PER1: variants seen among roughly 807,000 people sequenced by gnomAD.
PER1 encodes the protein period circadian protein homolog 1.
PER1 carries 87 observed loss-of-function variants against 125.9 expected under a neutral mutation model. That is an observed-to-expected ratio of 0.69 (90% CI 0.58 to 0.83). The LOEUF is 0.83. Ranked by LOEUF, PER1 falls within the 40% of genes least tolerant of loss-of-function variation. PER1 has a pLI of 0.00. For missense variants in PER1, 1,775 were observed against 1,722.8 expected, an observed-to-expected ratio of 1.03 and a Z score of -0.54; for synonymous variants, 801 against 714.7, an observed-to-expected ratio of 1.12 and a Z score of -1.93.
At chr17:8,145,413 C>T (rs1202081031) in intron 17 of PER1, among the ~76,000 whole-genome samples, 5 of 150,988 alleles carry the variant, frequency 3.3e-5, no homozygotes, top group Admixed American at 2.0e-4. Flanking sequence ...AACCACCACC[C>T]CCTGGGTTCA....
chr17:8,150,351 G>C (rs747870488), intron 2 of PER1, 34 bp from the exon 3 acceptor site: 1 of 1,550,122 alleles, frequency 6.5e-7, no homozygotes, highest in East Asian at 2.3e-5. Flanking sequence ...TTACAGGTAG[G>C]GCCAGCAGTG....
intron 8 of PER1, 80 bp from the exon 9 acceptor site, chr17:8,148,339 C>T: frequency 8.1e-7 from 1 of 1,229,486 alleles, no homozygotes; most frequent in Non-Finnish European, 1.2e-6. Flanking sequence ...TGGGCCCAGG[C>T]TGGCTGATGA....
intron 14 of PER1, 64 bp from the exon 15 acceptor site, chr17:8,146,829 G>C (rs1468234861): frequency 1.2e-6 from 2 of 1,605,114 alleles, no homozygotes; most frequent in African/African-American, 2.7e-5. Context: ...AACAGCAAAT[G>C]GGTTGGGGGT....
chr17:8,141,134 C>T lies in PER1; in HGVS notation c.3807G>A (p.Glu1269=). ...ATGAGCTCCTGCCTTCTTCCTCCTC[C>T]TCCATAGCCAAGTCCTGAGAGCTTG... ...KASSSQDLAM[E]EEEEGRSSSS... Residue 1269 remains glutamate (E), a synonymous_variant, in exon 23 of 23, where the codon GAG becomes GAA. Coordinates refer to ENST00000317276, the MANE Select transcript of PER1 (RefSeq NM_002616.3). 1.9e-6 allele frequency: 3 copies of T among 1,614,218 alleles called. No homozygotes were observed. The highest frequency in any genetic ancestry group is 1.7e-6 in the Non-Finnish European group (2 of 1,180,030).
Position 8,146,101 on chromosome 17 carries a change from G to A in PER1, c.2075C>T (p.Thr692Ile). ...PSAALSGEGA[T>I]PRKEPVVGGT... Reference sequence around the variant, plus strand: ...TCCCACCACTGGCTCCTTCCGTGGGGTGGCCCCCTCCCCAGACAGCGCTGC... The same window carrying A: ...TCCCACCACTGGCTCCTTCCGTGGGATGGCCCCCTCCCCAGACAGCGCTGC... The change falls in exon 17 of 23, where the codon ACC becomes ATC. Residue 692 changes from threonine to isoleucine, a missense_variant. Transcript: ENST00000317276. 6.2e-7 allele frequency: 1 copy of A among 1,611,854 alleles called. No homozygotes were observed. The highest frequency in any genetic ancestry group is 8.5e-7 in the Non-Finnish European group (1 of 1,178,942).
rs561858829 is a variant in PER1 at position 8,140,939 on chromosome 17, G to C, written c.*129C>G. 1 of 1,090,904 alleles carries C rather than the reference G, an allele frequency of 9.2e-7. No individual in the cohort carries two copies. The highest frequency in any genetic ancestry group is 1.5e-5 in the South Asian group (1 of 65,138). 67.6% of individuals were successfully genotyped at this position (1,090,904 alleles called of 1,614,324 possible). ...GATCCTAGGCTGGTGATGGGGGTCC[G>C]GCCCCCTATGGTGGGAGAAGCTGGG... is the stretch of plus-strand genomic sequence containing the variant. On this transcript the variant is annotated 3_prime_UTR_variant, in exon 23 of 23. Transcript: ENST00000317276.
chr17:8,144,026 T>G, intron 18 of PER1, 150 bp from the exon 19 acceptor site: 1 of 1,211,414 alleles, frequency 8.3e-7, no homozygotes, highest in Admixed American at 3.2e-5. Context: ...ACTCAGGAGG[T>G]GGGGCACCTT....
rs2151860457 is a variant in PER1 at position 8,146,073 on chromosome 17, G to A, written c.2103C>T (p.Gly701=). 1 of 1,613,800 alleles carries A rather than the reference G, an allele frequency of 6.2e-7. No homozygotes were observed. The highest frequency in any genetic ancestry group is 1.1e-5 in the South Asian group (1 of 91,074). ...TGGCCAGGGCGAGCGGGCTCAGGGT[G>A]CCTCCCACCACTGGCTCCTTCCGTG... ...ATPRKEPVVG[G]TLSPLALANK... is the part of the protein sequence containing the mutation. Residue 701 remains glycine (G), a synonymous_variant, in exon 17 of 23, where the codon GGC becomes GGT. Transcript: ENST00000317276.
Position 8,150,072 on chromosome 17 carries a change from C to G in PER1, c.428G>C (p.Arg143Pro), listed in dbSNP as rs761883616. Residue 143 changes from arginine to proline, a missense_variant, in exon 4 of 23, where the codon CGA becomes CCA. Transcript: ENST00000317276. ...TGGCGGCAGTCGAAGCTTGAGCTCT[C>G]GAAGTGCTGTCATGAGTTCCTTCTG... The part of the protein sequence containing the change: ...RTQKELMTAL[R>P]ELKLRLPPER... 1.2e-6 allele frequency: 2 copies of G among 1,614,192 alleles called. No individual in the cohort carries two copies. The highest frequency in any genetic ancestry group is 8.5e-7 in the Non-Finnish European group (1 of 1,180,030).
chr17:8,144,570 C>G, intron 18 of PER1, 181 bp downstream of exon 18: 1 of 772,608 alleles, frequency 1.3e-6, no homozygotes, highest in South Asian at 2.0e-5. Flanking sequence ...CTGGCTGCAG[C>G]CCGGAACCCC....
In PER1 at chr17:8,144,775, C is replaced by G. The variant is rs758795367; in HGVS notation, c.2437G>C (p.Ala813Pro). 7 of 1,579,456 alleles carry G rather than the reference C, an allele frequency of 4.4e-6. No individual in the cohort carries two copies. Among genetic ancestry groups the G allele is most frequent in the Non-Finnish European group, 6.0e-6 (7 of 1,163,610 alleles). Residue 813 changes from alanine (A) to proline (P), a missense_variant, in exon 18 of 23, where the codon GCT (alanine) becomes CCT (proline). Ala to Pro is a conservative substitution (Grantham distance 27). Coordinates refer to ENST00000317276, the MANE Select transcript of PER1 (RefSeq NM_002616.3). The stretch of plus-strand genomic sequence containing the variant: ...CCTCGCTCGCCAAGGGCTGAGGGAG[C>G]TGTGGAAGAGCTGTCGAGTCCACGC... ...RLRGLDSSST[A>P]PSALGERGCH...
rs751777997 is a variant in PER1 at position 8,143,546 on chromosome 17, G to A, written c.2792C>T (p.Pro931Leu). The change falls in exon 19 of 23, where the codon CCA becomes CTA. Residue 931 changes from proline (P) to leucine (L), a missense_variant. Transcript: ENST00000317276. ...LVLPNYLFPT[P>L]SSYPYGALQT... is the part of the protein sequence containing the mutation. ...GAGTGCCCCATAAGGATAGCTGGAT[G>A]GGGTTGGGAACAGATAGTTAGGGAG... is the stretch of plus-strand genomic sequence containing the variant. 1.3e-6 allele frequency: 2 copies of A among 1,503,460 alleles called. No homozygotes were observed. The highest frequency in any genetic ancestry group is 1.8e-6 in the Non-Finnish European group (2 of 1,121,518). 93.1% of individuals were successfully genotyped at this position (1,503,460 alleles called of 1,614,324 possible).
At position 8,141,101 on chromosome 17, in the gene PER1, T is replaced by C; in HGVS notation, c.3840A>G (p.Pro1280=). 6.2e-7 allele frequency: 1 copy of C among 1,614,120 alleles called. No homozygotes were observed. Among genetic ancestry groups the C allele is most frequent in the South Asian group, 1.1e-5 (1 of 91,068 alleles). The change falls in exon 23 of 23, where the codon CCA becomes CCG. Residue 1280 remains proline, a synonymous_variant. Coordinates refer to ENST00000317276, the MANE Select transcript of PER1 (RefSeq NM_002616.3). ...TGCAGTTTCCTGCTGTAGGTAAGGC[T>C]GGACTGGATGAGCTCCTGCCTTCTT... The part of the protein sequence containing the change: ...EEEEGRSSSS[P]ALPTAGNCTS
At chr17:8,144,014 G>C in intron 18 of PER1, 138 bp from the exon 19 acceptor site, 1 of 1,325,884 alleles carries the variant, frequency 7.5e-7, no homozygotes, top group Non-Finnish European at 9.9e-7. Context: ...ACAGAACGGG[G>C]GACTCAGGAG....
chr17:8,144,209 A>G (rs1982281044), intron 18 of PER1: 1 of 407,736 alleles, frequency 2.5e-6, no homozygotes, highest in East Asian at 3.9e-5. Flanking sequence ...CTGGTCCGCC[A>G]AACTCCTGTG....
rs376253195 is a variant in PER1 at position 8,147,359 on chromosome 17, G to A, written c.1520C>T (p.Thr507Met). 76 of 1,613,770 alleles carry A rather than the reference G, an allele frequency of 4.7e-5. 1 individual carries two copies. Among genetic ancestry groups the A allele is most frequent in the South Asian group, 3.3e-4 (30 of 91,082 alleles). Residue 507 changes from threonine (T) to methionine (M), a missense_variant, in exon 13 of 23, where the codon ACG becomes ATG. Transcript: ENST00000317276. The part of the protein sequence containing the change: ...LLQPVHSPSP[T>M]GLCGVGAVTS... ...CACGGCGCCGACTCCACAGAGTCCC[G>A]TGGGGCTGGGGCTGTGGACGGGCTG...
chr17:8,147,574 G>T lies in PER1; in HGVS notation c.1393C>A (p.Pro465Thr). Residue 465 changes from proline (P) to threonine (T), a missense_variant, in exon 12 of 23, where the codon CCC becomes ACC. Coordinates refer to ENST00000317276, the MANE Select transcript of PER1 (RefSeq NM_002616.3). ...VLGRHKVRTA[P>T]LNEDVFTPPA... ...GGAGTGAACACGTCCTCATTCAGGGGGGCCCTGTAGAGTGAAGAGTGAATC... is the reference window on the plus strand; with the variant it reads ...GGAGTGAACACGTCCTCATTCAGGGTGGCCCTGTAGAGTGAAGAGTGAATC... 6.2e-7 allele frequency: 1 copy of T among 1,613,424 alleles called. No homozygotes were observed. The highest frequency in any genetic ancestry group is 8.5e-7 in the Non-Finnish European group (1 of 1,179,572).
intron 21 of PER1, 102 bp from the exon 22 acceptor site, chr17:8,142,057 C>T (rs773653288): frequency 2.0e-6 from 3 of 1,477,404 alleles, no homozygotes; most frequent in Non-Finnish European, 2.8e-6. Context: ...CCACCTCATG[C>T]TCCTCCCCTA....
In PER1 at chr17:8,141,359, C is replaced by A; in HGVS notation, c.3601-19G>T. 1 of 1,583,670 alleles carries A rather than the reference C, an allele frequency of 6.3e-7. No homozygotes were observed. The highest frequency in any genetic ancestry group is 8.6e-7 in the Non-Finnish European group (1 of 1,163,000). ...CACAGGCCTTGGTGAGAGAAATGGA[C>A]ATGAGAGAGTCAGACAGGGTTCTCA... On this transcript the variant is annotated intron_variant, in intron 22 of 22. Transcript: ENST00000317276.
Sources: allele counts gnomAD v4.1 joint callset (sites outside exome capture counted in the v4.1 genomes callset), GRCh38; gene constraint gnomAD v4.1.1; transcripts MANE v1.5; gene names NCBI Gene and HGNC (gene_info 2026-07-23, HGNC 2026-07-21).